The following IFT140 variants were observed in gnomAD, a reference collection of about 807,000 sequenced individuals.
The protein encoded by IFT140 is intraflagellar transport protein 140 homolog.
In IFT140, 133 loss-of-function variants were observed where a neutral mutation model predicts 164.6. The observed-to-expected ratio is 0.81, with a 90% CI of 0.70 to 0.93. The LOEUF (loss-of-function observed/expected upper bound fraction) is 0.93, where lower values mean the gene tolerates loss of function less well. Among genes scored for constraint, IFT140 ranks in the 40% least tolerant of loss-of-function variants. The probability of loss-of-function intolerance (pLI) is 0.00; values close to 1 mark genes in which losing one functional copy is unlikely to be tolerated. For missense variants in IFT140, 2,045 were observed against 1,972.3 expected (o/e 1.04, Z -0.70); for synonymous variants, 860 against 817.3 (o/e 1.05, Z -0.89).
chr16:1,513,832 C>T (rs2040256153), intron 30 of IFT140, among the ~76,000 whole-genome samples: 1 of 148,918 alleles, frequency 6.7e-6, no homozygotes, highest in Non-Finnish European at 1.5e-5. Flanking sequence ...CACCACCACA[C>T]CCGGCTAATT....
At position 1,522,010 on chromosome 16, in the gene IFT140, G is replaced by A. The variant is rs534059438; in HGVS notation, c.3454-1202C>T. Among the ~76,000 whole-genome samples the A allele has an allele frequency of 1.5e-3, 224 of 151,506 alleles. 1 individual carries two copies. Among genetic ancestry groups the A allele is most frequent in the Non-Finnish European group, 2.5e-3 (168 of 67,922 alleles). On this transcript the variant is annotated intron_variant, in intron 26 of 30. Transcript: ENST00000426508. ...GGCCGAGGTAGGTAAATCACCTGAG[G>A]TCAGGAGTTCGAGACCAGCCTGACC...
intron 6 of IFT140, among the ~76,000 whole-genome samples, chr16:1,591,210 C>A (rs554003506): frequency 1.3e-5 from 2 of 151,956 alleles, no homozygotes; most frequent in Non-Finnish European, 2.9e-5. Flanking sequence ...AGGTGACCAG[C>A]GCTTCTTCCT....
intron 10 of IFT140, among the ~76,000 whole-genome samples, chr16:1,585,766 C>CTTT (rs916504738): frequency 1.2e-3 from 144 of 119,324 alleles, no homozygotes; most frequent in Non-Finnish European, 1.6e-3. Context: ...CCTCCACTTT[C>CTTT]TTTTTTTTTT....
chr16:1,603,788 G>A (rs1351771706), intron 3 of IFT140, among the ~76,000 whole-genome samples: 1 of 152,144 alleles, frequency 6.6e-6, no homozygotes, highest in African/African-American at 2.4e-5. Flanking sequence ...GCCATGTGCT[G>A]TGTTTTCTAA....
chr16:1,607,090 C>T (rs920778164), intron 3 of IFT140, 30 bp downstream of exon 3: 16 of 1,608,752 alleles, frequency 9.9e-6, no homozygotes, highest in Non-Finnish European at 1.2e-5. Context: ...GAAGCTACCA[C>T]AGTCAGGCTC....
intron 4 of IFT140, among the ~76,000 whole-genome samples, chr16:1,593,373 G>A (rs989882580): frequency 2.0e-5 from 3 of 151,448 alleles, no homozygotes; most frequent in Non-Finnish European, 4.4e-5. Context: ...GTTCAGTGGT[G>A]TGGTCTCGGC....
chr16:1,510,673 C>T lies in IFT140; in HGVS notation c.*271G>A, dbSNP rs937199452. ...TTTACAATGTGTAGTTGGGAGAATA[C>T]GATGGAAGGGTGAACCCGACTCCCT... On this transcript the variant is annotated 3_prime_UTR_variant, in exon 31 of 31. Transcript: ENST00000426508. 5 of 556,188 alleles carry T rather than the reference C, an allele frequency of 9.0e-6. No individual in the cohort carries two copies. The highest frequency in any genetic ancestry group is 3.3e-5 in the Admixed American group (1 of 30,476). The allele number at this position is 556,188 out of a possible 1,614,324, so 34.5% of individuals were successfully genotyped here. A position where few individuals can be genotyped will look rare whatever the true frequency, so the allele number is the denominator to read the frequency against.
chr16:1,595,555 C>T (rs1049026018), intron 4 of IFT140, among the ~76,000 whole-genome samples: 4 of 146,082 alleles, frequency 2.7e-5, no homozygotes, highest in Non-Finnish European at 6.0e-5. Flanking sequence ...GTGGAGGTTG[C>T]AGTGCCATTG....
At chr16:1,538,088 T>C (rs13337575) in intron 19 of IFT140, among the ~76,000 whole-genome samples, 2,032 of 152,152 alleles carry the variant, frequency 0.013, 40 homozygotes, top group African/African-American at 0.046. Context: ...ACCCAAGCAG[T>C]GAACGCCAGC....
In IFT140 at chr16:1,520,675, G is replaced by A. The variant is rs760756337; in HGVS notation, c.3587C>T (p.Ala1196Val). Residue 1196 changes from alanine (A) to valine (V), a missense_variant, in exon 27 of 31, where the codon GCA (alanine) becomes GTA (valine). Coordinates refer to ENST00000426508, the MANE Select transcript of IFT140 (RefSeq NM_014714.4). Reference sequence around the variant, plus strand: ...GCTGCCCTGGCGCATGCAGCAGTCTGCTATCTGCTCCAGCAGCTCCCGCCG... The same window carrying A: ...GCTGCCCTGGCGCATGCAGCAGTCTACTATCTGCTCCAGCAGCTCCCGCCG... Reference protein sequence around the residue: ...ESRRELLEQIADCCMRQGSYH... With the variant: ...ESRRELLEQIVDCCMRQGSYH... 4.4e-6 allele frequency: 7 copies of A among 1,608,002 alleles called. No homozygotes were observed. The highest frequency in any genetic ancestry group is 5.9e-6 in the Non-Finnish European group (7 of 1,177,332).
intron 4 of IFT140, among the ~76,000 whole-genome samples, chr16:1,601,178 C>T (rs903481764): frequency 1.3e-5 from 2 of 151,216 alleles, no homozygotes; most frequent in Admixed American, 1.3e-4. Context: ...GAGAGAGAAT[C>T]GCTTGAACTC....
intron 19 of IFT140, chr16:1,534,556 G>C (rs201752158): frequency 7.5e-6 from 12 of 1,602,236 alleles, no homozygotes; most frequent in Non-Finnish European, 1.0e-5. Flanking sequence ...ACCGTCAAAC[G>C]TAAGTCCAAT....
At chr16:1,544,375 T>G (rs140189706) in intron 19 of IFT140, among the ~76,000 whole-genome samples, 1 of 151,482 alleles carries the variant, frequency 6.6e-6, no homozygotes, top group South Asian at 2.1e-4. Flanking sequence ...TTAGTAGAGA[T>G]GGGGTTTCAC....
intron 14 of IFT140, among the ~76,000 whole-genome samples, chr16:1,569,485 C>G (rs2033909051): frequency 7.8e-6 from 1 of 128,988 alleles, no homozygotes; most frequent in Non-Finnish European, 1.6e-5. Context: ...TTCCTTCTTT[C>G]CCTCCTCCCT....
intron 9 of IFT140, 138 bp from the exon 10 acceptor site, chr16:1,586,413 C>A: frequency 1.9e-4 from 144 of 774,254 alleles, no homozygotes; most frequent in East Asian, 3.2e-4. Context: ...TCCCTGGCTG[C>A]ATCTTTCTGC....
intron 29 of IFT140, among the ~76,000 whole-genome samples, chr16:1,519,517 T>C: frequency 6.6e-6 from 1 of 151,534 alleles, no homozygotes; most frequent in Non-Finnish European, 1.5e-5. Context: ...GTCACCATGG[T>C]CCCCCAACCC....
chr16:1,511,534 T>C (rs1335807736), intron 30 of IFT140, among the ~76,000 whole-genome samples: 1 of 151,706 alleles, frequency 6.6e-6, no homozygotes, highest in Non-Finnish European at 1.5e-5. Flanking sequence ...TGGACATGCA[T>C]ATGTCAGAGT....
At chr16:1,592,070 A>C (rs1043704890) in intron 6 of IFT140, 106 bp downstream of exon 6, 3 of 1,217,172 alleles carry the variant, frequency 2.5e-6, no homozygotes, top group Non-Finnish European at 3.5e-6. Context: ...GCCTGCTGCT[A>C]TCACCGTTAC....
intron 19 of IFT140, among the ~76,000 whole-genome samples, chr16:1,556,505 T>C (rs2033094470): frequency 6.6e-6 from 1 of 152,262 alleles, no homozygotes; most frequent in Non-Finnish European, 1.5e-5. Context: ...CCGCTGCTAA[T>C]ATAAATCTTT....
Sources: allele counts gnomAD v4.1 joint callset (sites outside exome capture counted in the v4.1 genomes callset), GRCh38; gene constraint gnomAD v4.1.1; transcripts MANE v1.5; gene names NCBI Gene and HGNC (gene_info 2026-07-23, HGNC 2026-07-21).